ANO10: variants seen among roughly 807,000 people sequenced by gnomAD.
ANO10 encodes anoctamin-10.
A neutral mutation model predicts 74.7 loss-of-function variants in ANO10; 77 were observed. The observed-to-expected ratio is 1.03, with a 90% CI of 0.86 to 1.25. The LOEUF (loss-of-function observed/expected upper bound fraction) is 1.25. Among genes scored for constraint, ANO10 ranks in the 50% most tolerant of loss-of-function variants. The pLI, the probability that ANO10 is intolerant of heterozygous loss-of-function variation, is 0.00. For synonymous variants in ANO10, 279 were observed against 284.9 expected, an observed-to-expected ratio of 0.98 and a Z score of 0.21; for missense variants, 721 against 778.1, an observed-to-expected ratio of 0.93 and a Z score of 0.87.
At chr3:43,556,080 G>C (rs1042190899) in intron 9 of ANO10, among the ~76,000 whole-genome samples, 1 of 152,172 alleles carries the variant, frequency 6.6e-6, no homozygotes, top group Non-Finnish European at 1.5e-5. Context: ...GGTTGCATTT[G>C]GCTCTAGATG....
intron 11 of ANO10, among the ~76,000 whole-genome samples, chr3:43,521,798 A>G (rs374231319): frequency 6.6e-6 from 1 of 152,192 alleles, no homozygotes; most frequent in African/African-American, 2.4e-5. Flanking sequence ...CTGGGTATAT[A>G]CTCACAAGAA....
At chr3:43,688,861 G>T (rs1460541042) in intron 1 of ANO10, among the ~76,000 whole-genome samples, 1 of 150,568 alleles carries the variant, frequency 6.6e-6, no homozygotes, top group Admixed American at 6.6e-5. Context: ...AAAAAAAAAA[G>T]AATTACCTGG....
intron 11 of ANO10, among the ~76,000 whole-genome samples, chr3:43,511,366 A>G (rs949274195): frequency 1.7e-4 from 26 of 152,192 alleles, no homozygotes; most frequent in Admixed American, 1.7e-3. Context: ...ACGTTTTAGC[A>G]ATGTCCTAGC....
chr3:43,639,936 A>G (rs1482977326), intron 1 of ANO10, among the ~76,000 whole-genome samples: 1 of 152,192 alleles, frequency 6.6e-6, no homozygotes, highest in African/African-American at 2.4e-5. Flanking sequence ...TCTTAGCACA[A>G]CCAGCTGAAC....
intron 11 of ANO10, among the ~76,000 whole-genome samples, chr3:43,446,802 C>T (rs1349215649): frequency 1.3e-5 from 2 of 152,090 alleles, no homozygotes; most frequent in South Asian, 2.1e-4. Flanking sequence ...TTTATCCTAG[C>T]TATTCTGAAT....
chr3:43,543,772 G>A (rs1024396043), intron 11 of ANO10, among the ~76,000 whole-genome samples: 1 of 152,148 alleles, frequency 6.6e-6, no homozygotes, highest in East Asian at 1.9e-4. Flanking sequence ...GTAATTAAAT[G>A]ATATTTTTTA....
rs139650317 is a variant in ANO10 at position 43,567,921 on chromosome 3, G to A, written c.1219-2194C>T. ...ATAAAGACTCAAGACCCATCAGTGT[G>A]CTGTATTCAGGAAACCCATCTCACG... On this transcript the variant is annotated intron_variant, in intron 7 of 12. Transcript: ENST00000292246. Among the ~76,000 whole-genome samples, 4 of 152,264 alleles carry A rather than the reference G, an allele frequency of 2.6e-5. No individual in the cohort carries two copies. In the East Asian group the frequency reaches 7.7e-4, roughly 29 times the overall value.
chr3:43,631,587 T>C (rs1307684906), intron 1 of ANO10, among the ~76,000 whole-genome samples: 1 of 152,112 alleles, frequency 6.6e-6, no homozygotes, highest in Non-Finnish European at 1.5e-5. Context: ...GTGCTTTTTT[T>C]TTCTTTCTGA....
intron 11 of ANO10, among the ~76,000 whole-genome samples, chr3:43,508,194 T>A (rs2077368351): frequency 6.6e-6 from 1 of 152,166 alleles, no homozygotes. Context: ...TAAAAAGTCA[T>A]GAAGAGACCT....
chr3:43,606,443 A>G (rs1297516869), intron 1 of ANO10, among the ~76,000 whole-genome samples: 2 of 152,096 alleles, frequency 1.3e-5, no homozygotes, highest in Non-Finnish European at 2.9e-5. Context: ...GGAGTCACCA[A>G]TTCATTATGA....
In ANO10 at chr3:43,449,515, C is replaced by CTTT. The variant is rs61265406; in HGVS notation, c.1798-16791_1798-16789dup. 1.5e-3 allele frequency among the ~76,000 whole-genome samples: 165 copies of CTTT among 107,090 alleles called. 4 individuals carry two copies. Among genetic ancestry groups the CTTT allele is most frequent in the African/African-American group, 2.3e-3 (63 of 27,504 alleles). The allele number at this position is 107,090 out of a possible 152,430, so 70.3% of individuals were successfully genotyped here. On this transcript the variant is annotated intron_variant, in intron 11 of 12. Coordinates refer to ENST00000292246, the MANE Select transcript of ANO10 (RefSeq NM_018075.5). Reference sequence around the variant, plus strand: ...AAGGTATAAGGTCCCTATCTAGATTCTTTTTTTTTTTTTTTTTTTTGTATG... The same window carrying CTTT: ...AAGGTATAAGGTCCCTATCTAGATTCTTTTTTTTTTTTTTTTTTTTTTTGTATG...
intron 12 of ANO10, among the ~76,000 whole-genome samples, chr3:43,423,006 A>C (rs1001540566): frequency 1.3e-5 from 2 of 152,166 alleles, no homozygotes; most frequent in Non-Finnish European, 2.9e-5. Flanking sequence ...TAACAAGTAC[A>C]AGTGCAAAGT....
intron 1 of ANO10, among the ~76,000 whole-genome samples, chr3:43,619,516 A>T (rs191685192): frequency 5.3e-5 from 8 of 152,204 alleles, no homozygotes; most frequent in African/African-American, 1.9e-4. Context: ...ACTTTTTGTA[A>T]ATCTAAAATT....
At chr3:43,482,823 G>T (rs535525294) in intron 11 of ANO10, among the ~76,000 whole-genome samples, 1 of 152,310 alleles carries the variant, frequency 6.6e-6, no homozygotes, top group African/African-American at 2.4e-5. Flanking sequence ...CCTAGGCTGG[G>T]TGCTCATGTG....
intron 10 of ANO10, among the ~76,000 whole-genome samples, chr3:43,552,726 A>ATATATATG (rs1553710721): frequency 1.8e-4 from 17 of 95,600 alleles, no homozygotes; most frequent in African/African-American, 4.1e-4. Context: ...ATATATATAT[A>ATATATATG]TATGTATGTA....
intron 12 of ANO10, among the ~76,000 whole-genome samples, chr3:43,414,987 T>C (rs2092716765): frequency 6.9e-6 from 1 of 145,714 alleles, no homozygotes; most frequent in Non-Finnish European, 1.5e-5. Flanking sequence ...TTTTTTTTTT[T>C]TTTTTGAGAC....
chr3:43,677,578 G>C (rs1335071917), intron 1 of ANO10, among the ~76,000 whole-genome samples: 1 of 152,158 alleles, frequency 6.6e-6, no homozygotes, highest in Non-Finnish European at 1.5e-5. Flanking sequence ...TCACAATTCT[G>C]TGGGTCAGTA....
chr3:43,443,462 T>TG (rs2093191553), intron 11 of ANO10, among the ~76,000 whole-genome samples: 1 of 152,066 alleles, frequency 6.6e-6, no homozygotes, highest in African/African-American at 2.4e-5. Context: ...AGAGACAGTA[T>TG]GGGGGAGATC....
At chr3:43,581,441 G>C (rs183824794) in intron 4 of ANO10, among the ~76,000 whole-genome samples, 130 of 152,288 alleles carry the variant, frequency 8.5e-4, no homozygotes, top group African/African-American at 2.8e-3. Flanking sequence ...TTGGAATTCT[G>C]TCATCCACAG....
Sources: gnomAD v4.1 joint callset for allele counts (sites outside exome capture counted in the v4.1 genomes callset) on GRCh38, gnomAD v4.1.1 for gene constraint, MANE v1.5 for transcripts, NCBI Gene and HGNC (gene_info 2026-07-23, HGNC 2026-07-21) for gene names.